The following SNAPC3 variants were observed in gnomAD, a reference collection of about 807,000 sequenced individuals.
SNAPC3 encodes snRNA-activating protein complex subunit 3.
In SNAPC3, 56 loss-of-function variants were observed where a neutral mutation model predicts 47.7. The ratio of observed to expected loss-of-function variants is 1.18; its 90% CI spans 0.95 to 1.47. The LOEUF (loss-of-function observed/expected upper bound fraction) is 1.47. Ranked by LOEUF, SNAPC3 falls within the 40% of genes most tolerant of loss-of-function variation. The pLI, the probability that SNAPC3 is intolerant of heterozygous loss-of-function variation, is 0.00. For missense variants in SNAPC3, 665 were observed against 511.3 expected (o/e 1.30, Z -2.90); for synonymous variants, 235 against 189.9 (o/e 1.24, Z -1.95).
chr9:15,443,619 A>G (rs978570117), intron 3 of SNAPC3, among the ~76,000 whole-genome samples: 6 of 152,206 alleles, frequency 3.9e-5, no homozygotes, highest in African/African-American at 1.4e-4. Flanking sequence ...AAGTCTTCCA[A>G]TATAGATCCT....
rs544423576 is a variant in SNAPC3 at position 15,458,491 on chromosome 9, G to A, written c.1088+424G>A. Among the ~76,000 whole-genome samples the A allele has an allele frequency of 3.9e-5, 6 of 152,282 alleles. No homozygotes were observed. The South Asian group carries it at 1.2e-3, about 32-fold the overall frequency. ...CTTGTTTAATCCAAAATGCTCGAGA[G>A]CCATGTTCTTTCTGCCTCTTGTCCA... On this transcript the variant is annotated intron_variant, in intron 8 of 8. Transcript: ENST00000380821.
At chr9:15,443,671 C>G (rs2033695830) in intron 3 of SNAPC3, among the ~76,000 whole-genome samples, 1 of 152,128 alleles carries the variant, frequency 6.6e-6, no homozygotes, top group South Asian at 2.1e-4. Flanking sequence ...AAAACCAATG[C>G]ACGTACCTGG....
chr9:15,435,376 C>T (rs1174133187), intron 3 of SNAPC3, among the ~76,000 whole-genome samples: 1 of 152,106 alleles, frequency 6.6e-6, no homozygotes, highest in Non-Finnish European at 1.5e-5. Context: ...AGTTCCAGAC[C>T]AGCCTGACCA....
chr9:15,429,908 C>G (rs928758420), intron 2 of SNAPC3, among the ~76,000 whole-genome samples: 1 of 151,884 alleles, frequency 6.6e-6, no homozygotes, highest in Admixed American at 6.6e-5. Context: ...CAAAGTATAC[C>G]AAGTAAATGG....
intron 2 of SNAPC3, 98 bp from the exon 3 acceptor site, chr9:15,433,454 A>T: frequency 1.3e-6 from 1 of 774,702 alleles, no homozygotes; most frequent in Non-Finnish European, 2.2e-6. Context: ...ACTTAAAATT[A>T]GTTCAAAATA....
At chr9:15,457,921 T>C in intron 7 of SNAPC3, 39 bp from the exon 8 acceptor site, 1 of 1,229,762 alleles carries the variant, frequency 8.1e-7, no homozygotes, top group Non-Finnish European at 1.2e-6. Flanking sequence ...TCACTTAATA[T>C]TTGTCACCTT....
chr9:15,452,544 T>G (rs971473282), intron 6 of SNAPC3, among the ~76,000 whole-genome samples: 1 of 151,730 alleles, frequency 6.6e-6, no homozygotes, highest in Non-Finnish European at 1.5e-5. Flanking sequence ...AGTCGAACTC[T>G]GGACCTCAAG....
At chr9:15,443,269 C>A (rs543963080) in intron 3 of SNAPC3, among the ~76,000 whole-genome samples, 1 of 152,260 alleles carries the variant, frequency 6.6e-6, no homozygotes, top group South Asian at 2.1e-4. Context: ...GTAACTATTG[C>A]CTGTAGGAAT....
downstream of SNAPC3, chr9:15,462,138 A>G (rs1319293334): frequency 6.6e-6 from 1 of 152,254 alleles, no homozygotes; most frequent in African/African-American, 2.4e-5. Context: ...TTATTGTCAT[A>G]ATGCATTATT....
In SNAPC3 at chr9:15,459,747, C is replaced by A. The variant is rs758846776; in HGVS notation, c.1117C>A (p.Pro373Thr). The A allele has an allele frequency of 6.2e-7, 1 of 1,613,370 alleles. No homozygotes were observed. The highest frequency in any genetic ancestry group is 2.2e-5 in the East Asian group (1 of 44,852). ...RWVTNNDSFAPEDPCFFCDVC... is the reference protein window; with the variant it reads ...RWVTNNDSFATEDPCFFCDVC... ...GGTGACGAACAATGACAGTTTTGCA[C>A]CAGAGGACCCATGCTTCTTTTGTGA... The change falls in exon 9 of 9, where the codon CCA becomes ACA. Residue 373 changes from proline to threonine, a missense_variant. Pro to Thr is a conservative substitution (Grantham distance 38). Coordinates refer to ENST00000380821, the MANE Select transcript of SNAPC3 (RefSeq NM_001039697.2).
chr9:15,450,250 G>T (rs2034288008), intron 5 of SNAPC3, among the ~76,000 whole-genome samples: 2 of 152,132 alleles, frequency 1.3e-5, no homozygotes, highest in South Asian at 2.1e-4. Context: ...GAGATTTAGT[G>T]ACTGGTCCAA....
chr9:15,429,369 T>C (rs1049121298), intron 2 of SNAPC3, among the ~76,000 whole-genome samples: 3 of 152,082 alleles, frequency 2.0e-5, no homozygotes, highest in Non-Finnish European at 4.4e-5. Flanking sequence ...ATCCAACCAA[T>C]TGATGACTGG....
intron 5 of SNAPC3, among the ~76,000 whole-genome samples, chr9:15,449,553 ATATATATATATTTTTTTTTT>A (rs2034216118): frequency 2.7e-5 from 1 of 37,588 alleles, no homozygotes; most frequent in African/African-American, 1.2e-4. Context: ...ATATATATAT[ATATATATATATTTTTTTTTT>A]TTTTTTTTTT....
chr9:15,456,810 T>G (rs1184182713), intron 7 of SNAPC3, among the ~76,000 whole-genome samples: 4 of 152,220 alleles, frequency 2.6e-5, no homozygotes, highest in African/African-American at 9.6e-5. Context: ...GAGTATGCAA[T>G]GTAGGGCTTT....
At position 15,444,559 on chromosome 9, in the gene SNAPC3, G is replaced by A. The variant is rs532771371; in HGVS notation, c.478-43G>A. On this transcript the variant is annotated intron_variant, in intron 3 of 8. Coordinates refer to ENST00000380821, the MANE Select transcript of SNAPC3 (RefSeq NM_001039697.2). ...CATTGTACCACACTGCATCTTATCT[G>A]AGTTATAGTATCTGATTTCAGTGTC... is the stretch of plus-strand genomic sequence containing the variant. The A allele has an allele frequency of 3.4e-5, 42 of 1,252,434 alleles. No individual in the cohort carries two copies. The South Asian group carries it at 4.1e-4, about 12-fold the overall frequency. The allele number at this position is 1,252,434 out of a possible 1,614,324, so 77.6% of individuals were successfully genotyped here.
At chr9:15,458,605 T>A (rs1015227224) in intron 8 of SNAPC3, among the ~76,000 whole-genome samples, 3 of 152,132 alleles carry the variant, frequency 2.0e-5, no homozygotes, top group Non-Finnish European at 2.9e-5. Context: ...TTTATAAAAT[T>A]TTTACTTTAT....
chr9:15,429,294 C>A (rs752427914), intron 2 of SNAPC3, among the ~76,000 whole-genome samples: 1 of 152,000 alleles, frequency 6.6e-6, no homozygotes, highest in Non-Finnish European at 1.5e-5. Flanking sequence ...TTCGACATAA[C>A]GAAAACCTGG....
At chr9:15,438,610 C>T (rs1485947077) in intron 3 of SNAPC3, among the ~76,000 whole-genome samples, 1 of 152,090 alleles carries the variant, frequency 6.6e-6, no homozygotes, top group African/African-American at 2.4e-5. Flanking sequence ...TTTACTATAT[C>T]TCCCTAAGTT....
downstream of SNAPC3, chr9:15,463,693 C>CAAGCAA (rs1300571809): frequency 1.4e-5 from 2 of 138,326 alleles, no homozygotes; most frequent in African/African-American, 7.1e-5. Flanking sequence ...CCTATGACAC[C>CAAGCAA]ATTTCTTGAG....
Sources: gnomAD v4.1 joint callset for allele counts (sites outside exome capture counted in the v4.1 genomes callset) on GRCh38, gnomAD v4.1.1 for gene constraint, MANE v1.5 for transcripts, NCBI Gene and HGNC (gene_info 2026-07-23, HGNC 2026-07-21) for gene names.